IPO7: variants seen among roughly 807,000 people sequenced by gnomAD.
IPO7 encodes importin 7.
IPO7 carries 13 observed loss-of-function variants against 136.4 expected under a neutral mutation model. The ratio of observed to expected loss-of-function variants is 0.10; its 90% CI spans 0.06 to 0.15. IPO7 has a LOEUF of 0.15. Ranked by LOEUF, IPO7 falls within the 10% of genes least tolerant of loss-of-function variation. The pLI is 1.00. For synonymous variants in IPO7, 403 were observed against 404.4 expected (o/e 1.00, Z 0.04); for missense variants, 857 against 1,240.6 (o/e 0.69, Z 4.65).
intron 1 of IPO7, among the ~76,000 whole-genome samples, chr11:9,393,494 C>G (rs1237830957): frequency 6.6e-6 from 1 of 152,158 alleles, no homozygotes; most frequent in Non-Finnish European, 1.5e-5. Flanking sequence ...GTTCTCCTGC[C>G]TCAGCCTCCC....
chr11:9,437,486 C>G (rs927253001), intron 20 of IPO7, among the ~76,000 whole-genome samples: 2 of 151,784 alleles, frequency 1.3e-5, no homozygotes, highest in African/African-American at 4.8e-5. Flanking sequence ...GATCTCCTGA[C>G]CTCGTGATCC....
intron 4 of IPO7, among the ~76,000 whole-genome samples, chr11:9,413,810 G>T (rs996066413): frequency 3.3e-5 from 5 of 151,908 alleles, no homozygotes; most frequent in African/African-American, 9.7e-5. Context: ...GATTATATTT[G>T]TGTGAATAGT....
At chr11:9,442,230 A>G (rs376559704) in intron 24 of IPO7, 33 bp downstream of exon 24, 2 of 949,756 alleles carry the variant, frequency 2.1e-6, no homozygotes, top group Non-Finnish European at 3.4e-6. Flanking sequence ...CTCTTTAATT[A>G]GTGACTTTTA....
chr11:9,438,611 C>T (rs372053081), intron 22 of IPO7, among the ~76,000 whole-genome samples: 20 of 151,640 alleles, frequency 1.3e-4, no homozygotes, highest in African/African-American at 4.6e-4. Flanking sequence ...GGTAACAGAA[C>T]GAGACTCCAT....
At chr11:9,397,361 T>TATATATATATATATATA (rs377148636) in intron 1 of IPO7, among the ~76,000 whole-genome samples, 4 of 42,276 alleles carry the variant, frequency 9.5e-5, no homozygotes, top group African/African-American at 3.4e-4. Context: ...TATATATATA[T>TATATATATATATATATA]ATATTAGTCG....
Position 9,414,099 on chromosome 11 carries a change from A to G in IPO7, c.480-156A>G, listed in dbSNP as rs188680325. Among the ~76,000 whole-genome samples the G allele has an allele frequency of 3.1e-3, 476 of 152,284 alleles. 5 individuals are homozygous for G. The highest frequency in any genetic ancestry group is 0.011 in the African/African-American group (458 of 41,540). On this transcript the variant is annotated intron_variant, in intron 4 of 24. Coordinates refer to ENST00000379719, the MANE Select transcript of IPO7 (RefSeq NM_006391.3). ...ATCTTTACTCAAGGTTTTATTCAAG[A>G]TGCTTCCTTTTTATGGTTTTGTTCT...
chr11:9,425,295 A>G lies in IPO7; in HGVS notation c.1335+33A>G, dbSNP rs771513446. 1.8e-5 allele frequency: 22 copies of G among 1,222,482 alleles called. No homozygotes were observed. The East Asian group carries it at 2.8e-4, about 15-fold the overall frequency. 75.7% of individuals were successfully genotyped at this position (1,222,482 alleles called of 1,614,324 possible). ...TTAGTGTGTTTGTATGTGCATGACT[A>G]TGCAAGTAGTTTTAAAAAATAAATA... On this transcript the variant is annotated intron_variant, in intron 12 of 24. Transcript: ENST00000379719.
At chr11:9,424,314 T>C (rs1469668052) in intron 10 of IPO7, among the ~76,000 whole-genome samples, 1 of 152,252 alleles carries the variant, frequency 6.6e-6, no homozygotes, top group Non-Finnish European at 1.5e-5. Context: ...TTTGTGCTTT[T>C]TGCAGCTTGT....
chr11:9,401,160 G>A (rs1854789636), intron 1 of IPO7, among the ~76,000 whole-genome samples: 1 of 150,964 alleles, frequency 6.6e-6, no homozygotes, highest in South Asian at 2.1e-4. Flanking sequence ...CAGCTTGGGC[G>A]AGAAGAGTGA....
chr11:9,441,651 A>G (rs1590455865), intron 23 of IPO7, among the ~76,000 whole-genome samples: 2 of 152,226 alleles, frequency 1.3e-5, no homozygotes, highest in Non-Finnish European at 2.9e-5. Flanking sequence ...TGTACTTTGT[A>G]GACAGACACC....
At chr11:9,388,078 T>C (rs1183139968) in intron 1 of IPO7, among the ~76,000 whole-genome samples, 19 of 141,026 alleles carry the variant, frequency 1.3e-4, no homozygotes, top group Middle Eastern at 4.5e-3. Context: ...ACCCGGGAGG[T>C]GGAGGTTGCG....
chr11:9,443,656 A>C (rs915821223), intron 24 of IPO7, among the ~76,000 whole-genome samples: 10 of 151,032 alleles, frequency 6.6e-5, no homozygotes, highest in African/African-American at 2.4e-4. Context: ...TAATCCCAGC[A>C]CTTTGGGAGG....
intron 16 of IPO7, 88 bp from the exon 17 acceptor site, chr11:9,433,482 T>G (rs2133760255): frequency 1.2e-6 from 1 of 814,810 alleles, no homozygotes; most frequent in South Asian, 1.5e-5. Flanking sequence ...TGACTTTATA[T>G]TTAAGTGTAC....
At chr11:9,409,531 G>A (rs1032656101) in intron 3 of IPO7, among the ~76,000 whole-genome samples, 3 of 151,930 alleles carry the variant, frequency 2.0e-5, no homozygotes, top group Non-Finnish European at 4.4e-5. Flanking sequence ...AGGTGTGCAC[G>A]ACCAGGCCCA....
In IPO7 at chr11:9,436,469, T is replaced by C. The variant is rs1855370113; in HGVS notation, c.2268+103T>C. 4 of 686,634 alleles carry C rather than the reference T, an allele frequency of 5.8e-6. No individual in the cohort carries two copies. In the South Asian group the frequency reaches 7.8e-5, roughly 13 times the overall value. 42.5% of individuals were successfully genotyped at this position (686,634 alleles called of 1,614,324 possible). On this transcript the variant is annotated intron_variant, in intron 20 of 24. Coordinates refer to ENST00000379719, the MANE Select transcript of IPO7 (RefSeq NM_006391.3). ...TTGTTGCATATTCTGTATGTTTTTG[T>C]TTATTGAGACATCTAGACAACTAAT...
chr11:9,437,873 A>G lies in IPO7; in HGVS notation c.2388A>G (p.Leu796=), dbSNP rs776540950. The change falls in exon 21 of 25, where the codon CTA becomes CTG. Residue 796 remains leucine (L), a synonymous_variant. Transcript: ENST00000379719. ...AIAALYYNPH[L]LLNTLENLRF... ...CAGCTTTGTATTATAATCCACACCT[A>G]CTACTCAATACCTTAGAAAATCTTC... 5.0e-6 allele frequency: 8 copies of G among 1,613,558 alleles called. No individual in the cohort carries two copies. The highest frequency in any genetic ancestry group is 5.9e-6 in the Non-Finnish European group (7 of 1,179,584).
intron 1 of IPO7, among the ~76,000 whole-genome samples, chr11:9,394,067 A>G (rs1176263009): frequency 6.6e-6 from 1 of 151,694 alleles, no homozygotes; most frequent in Non-Finnish European, 1.5e-5. Context: ...ATTTTTAGAG[A>G]TGGGTTCCAC....
chr11:9,423,289 T>C (rs2133750549), intron 9 of IPO7, 149 bp downstream of exon 9: 5 of 513,250 alleles, frequency 9.7e-6, no homozygotes, highest in South Asian at 7.7e-5. Context: ...AAAAAGGAGA[T>C]AAGACAGTGA....
At chr11:9,422,625 G>A (rs762174387) in intron 8 of IPO7, among the ~76,000 whole-genome samples, 28 of 152,062 alleles carry the variant, frequency 1.8e-4, no homozygotes, top group Non-Finnish European at 4.0e-4. Flanking sequence ...ACAAGATAGG[G>A]TTTTCTCCCA....
Sources: gnomAD v4.1 joint callset for allele counts (sites outside exome capture counted in the v4.1 genomes callset) on GRCh38, gnomAD v4.1.1 for gene constraint, MANE v1.5 for transcripts, NCBI Gene and HGNC (gene_info 2026-07-23, HGNC 2026-07-21) for gene names.